The following IMMP2L variants were observed in gnomAD, a reference collection of about 807,000 sequenced individuals.
IMMP2L encodes the protein mitochondrial inner membrane protease subunit 2.
Under a neutral mutation model 19.3 loss-of-function variants are expected in IMMP2L, and 18 were observed. The ratio of observed to expected loss-of-function variants is 0.93; its 90% CI spans 0.64 to 1.38. The LOEUF is 1.38. IMMP2L is among the 40% of genes most tolerant of loss of function. The pLI, the probability that IMMP2L is intolerant of heterozygous loss-of-function variation, is 0.00. For synonymous variants in IMMP2L, 76 were observed against 73.0 expected (o/e 1.04, Z -0.21); for missense variants, 233 against 218.2 (o/e 1.07, Z -0.43).
At chr7:110,796,048 C>T (rs1307643436) in intron 5 of IMMP2L, among the ~76,000 whole-genome samples, 4 of 151,986 alleles carry the variant, frequency 2.6e-5, no homozygotes, top group East Asian at 1.9e-4. Context: ...TGAGTTCTCA[C>T]GAAATCTGAT....
rs1249399586 is a variant in IMMP2L, at chr7:110,735,629, TACAAATATATATATATTAG to T, written c.409-71927_409-71909del. Among the ~76,000 whole-genome samples, 10 of 146,994 alleles carry T rather than the reference TACAAATATATATATATTAG, an allele frequency of 6.8e-5. No individual in the cohort carries two copies. In the East Asian group the frequency reaches 1.6e-3, roughly 24 times the overall value. Reference sequence around the variant, plus strand: ...GGGCAACATGGCAAAACTCTGTGTCTACAAATATATATATATTAGACAAATATATATATATATATATAGT... The same window carrying T: ...GGGCAACATGGCAAAACTCTGTGTCTACAAATATATATATATATATATAGT... On this transcript the variant is annotated intron_variant, in intron 5 of 5. Coordinates refer to ENST00000405709, the MANE Select transcript of IMMP2L (RefSeq NM_032549.4).
chr7:111,207,750 A>G (rs976296440), intron 3 of IMMP2L, among the ~76,000 whole-genome samples: 1 of 151,852 alleles, frequency 6.6e-6, no homozygotes, highest in Non-Finnish European at 1.5e-5. Context: ...TGGCCAGGAT[A>G]GTCTCAATCT....
At chr7:111,297,957 G>A (rs1057255805) in intron 3 of IMMP2L, among the ~76,000 whole-genome samples, 3 of 152,016 alleles carry the variant, frequency 2.0e-5, no homozygotes, top group African/African-American at 7.2e-5. Flanking sequence ...TTGGGGTGAA[G>A]GGAATATTCT....
intron 3 of IMMP2L, among the ~76,000 whole-genome samples, chr7:111,144,673 CA>C (rs957927340): frequency 6.6e-6 from 1 of 152,022 alleles, no homozygotes; most frequent in African/African-American, 2.4e-5. Context: ...ATATAAAAAA[CA>C]GTAGACAAGA....
chr7:110,963,506 A>G lies in IMMP2L; in HGVS notation c.299T>C (p.Ile100Thr), dbSNP rs149271264. The change falls in exon 4 of 6, where the codon ATT (isoleucine) becomes ACT (threonine). Residue 100 changes from isoleucine (I) to threonine (T), a missense_variant. Physicochemically the swap from Ile to Thr is moderately conservative, Grantham distance 89. Transcript: ENST00000405709. ...AACAACAGTAAATACTTACCTGACAATATCTCCTTCAAGAGCAATCACTCT... is the reference window on the plus strand; with the variant it reads ...AACAACAGTAAATACTTACCTGACAGTATCTCCTTCAAGAGCAATCACTCT... ...IKRVIALEGDIVRTIGHKNRY... is the reference protein window; with the variant it reads ...IKRVIALEGDTVRTIGHKNRY... 35 of 1,596,232 alleles carry G rather than the reference A, an allele frequency of 2.2e-5. No homozygotes were observed. Among genetic ancestry groups the G allele is most frequent in the Middle Eastern group, 1.7e-4 (1 of 6,006 alleles).
chr7:111,167,115 C>T (rs968951431), intron 3 of IMMP2L, among the ~76,000 whole-genome samples: 1 of 151,972 alleles, frequency 6.6e-6, no homozygotes, highest in Admixed American at 6.6e-5. Flanking sequence ...CAATGTTCTA[C>T]CATTTAGTCT....
intron 3 of IMMP2L, among the ~76,000 whole-genome samples, chr7:111,018,168 T>C (rs557804114): frequency 6.6e-6 from 1 of 152,292 alleles, no homozygotes; most frequent in Non-Finnish European, 1.5e-5. Context: ...ATGTAATAAT[T>C]TCCTATACAT....
chr7:111,226,841 G>A (rs1339766086), intron 3 of IMMP2L, among the ~76,000 whole-genome samples: 1 of 152,000 alleles, frequency 6.6e-6, no homozygotes, highest in Non-Finnish European at 1.5e-5. Context: ...AAACTGACTA[G>A]AAGGAAATGG....
At chr7:111,146,269 G>A (rs1396600618) in intron 3 of IMMP2L, among the ~76,000 whole-genome samples, 1 of 133,354 alleles carries the variant, frequency 7.5e-6, no homozygotes, top group East Asian at 2.1e-4. Context: ...GAGGAAGGGA[G>A]GGAGGGAGGG....
intron 3 of IMMP2L, among the ~76,000 whole-genome samples, chr7:111,036,303 C>A (rs1244668167): frequency 6.6e-6 from 1 of 152,104 alleles, no homozygotes; most frequent in Admixed American, 6.5e-5. Context: ...AATTCTGGTC[C>A]CAGCTCTATC....
chr7:111,041,035 T>A (rs558690266), intron 3 of IMMP2L, among the ~76,000 whole-genome samples: 2 of 152,262 alleles, frequency 1.3e-5, no homozygotes, highest in East Asian at 3.9e-4. Flanking sequence ...CATACAATTC[T>A]AGCTGTTCTG....
At chr7:111,521,934 G>C (rs1846371886) in intron 1 of IMMP2L, among the ~76,000 whole-genome samples, 1 of 151,986 alleles carries the variant, frequency 6.6e-6, no homozygotes, top group South Asian at 2.1e-4. Flanking sequence ...ATAATTCTTG[G>C]TTGCACCCTG....
At chr7:111,217,358 A>G (rs553906847) in intron 3 of IMMP2L, among the ~76,000 whole-genome samples, 19 of 152,218 alleles carry the variant, frequency 1.2e-4, no homozygotes, top group South Asian at 4.1e-4. Flanking sequence ...AGGCACCAGC[A>G]CTACTCCTAA....
At chr7:111,264,521 A>C (rs1033170357) in intron 3 of IMMP2L, among the ~76,000 whole-genome samples, 3 of 151,668 alleles carry the variant, frequency 2.0e-5, no homozygotes, top group African/African-American at 7.3e-5. Flanking sequence ...CTTTTTTTTT[A>C]GGTTTTCGCC....
chr7:110,849,524 G>A (rs1002364245), intron 5 of IMMP2L, among the ~76,000 whole-genome samples: 29 of 151,948 alleles, frequency 1.9e-4, no homozygotes, highest in East Asian at 1.9e-4. Flanking sequence ...ATTCACAGAC[G>A]AAATACACAA....
At chr7:110,833,457 G>A (rs3997512) in intron 5 of IMMP2L, among the ~76,000 whole-genome samples, 84,150 of 126,162 alleles carry the variant, frequency 0.67, 27,941 homozygotes, top group East Asian at 0.85. Context: ...AAAAAAAAAA[G>A]AGAGAGAGAG....
chr7:111,258,309 A>G (rs1265502662), intron 3 of IMMP2L, among the ~76,000 whole-genome samples: 1 of 152,074 alleles, frequency 6.6e-6, no homozygotes, highest in Non-Finnish European at 1.5e-5. Flanking sequence ...TACATACTTG[A>G]GAAGAAAAAA....
rs80028306 is a variant in IMMP2L, at chr7:111,316,776, A to T, written c.239+170462T>A. ...AAAAAGGCCATTTGTAAAGAATCTCACATATATTATCTCTGTCAAATCTCA... is the reference window on the plus strand; with the variant it reads ...AAAAAGGCCATTTGTAAAGAATCTCTCATATATTATCTCTGTCAAATCTCA... On this transcript the variant is annotated intron_variant, in intron 3 of 5. Coordinates refer to ENST00000405709, the MANE Select transcript of IMMP2L (RefSeq NM_032549.4). Among the ~76,000 whole-genome samples the T allele has an allele frequency of 6.4e-3, 964 of 151,656 alleles. 4 individuals are homozygous for T. Among genetic ancestry groups the T allele is most frequent in the Middle Eastern group, 0.01 (3 of 292 alleles).
chr7:111,488,836 T>C (rs947528398), intron 2 of IMMP2L, among the ~76,000 whole-genome samples: 2 of 152,086 alleles, frequency 1.3e-5, no homozygotes, highest in African/African-American at 4.8e-5. Flanking sequence ...TAAAAGTGTT[T>C]CCTTTTCACC....
Sources: allele counts gnomAD v4.1 joint callset (sites outside exome capture counted in the v4.1 genomes callset), GRCh38; gene constraint gnomAD v4.1.1; transcripts MANE v1.5; gene names NCBI Gene and HGNC (gene_info 2026-07-23, HGNC 2026-07-21).